The following ARL4C variants were observed in gnomAD, a reference collection of about 807,000 sequenced individuals.
ARL4C encodes ADP-ribosylation factor-like protein 4C.
A neutral mutation model predicts 12.8 loss-of-function variants in ARL4C; 5 were observed. The observed-to-expected ratio is 0.39, with a 90% CI of 0.20 to 0.82. ARL4C has a LOEUF of 0.82. ARL4C is among the 40% of genes least tolerant of loss of function. The probability of loss-of-function intolerance (pLI) is 0.39; values close to 1 mark genes in which losing one functional copy is unlikely to be tolerated. For missense variants in ARL4C, 148 were observed against 265.2 expected (o/e 0.56, Z 3.07); for synonymous variants, 119 against 119.4 (o/e 1.00, Z 0.02).
In ARL4C at chr2:234,494,348, G is replaced by A. The variant is rs1464990279; in HGVS notation, c.*1458C>T. 6.6e-6 allele frequency: 1 copy of A among 152,662 alleles called. No homozygotes were observed. The highest frequency in any genetic ancestry group is 2.1e-4 in the South Asian group (1 of 4,832). 9.5% of individuals were successfully genotyped at this position (152,662 alleles called of 1,614,324 possible). A position where few individuals can be genotyped will look rare whatever the true frequency, so the allele number is the denominator to read the frequency against. On this transcript the variant is annotated 3_prime_UTR_variant, in exon 2 of 2. Coordinates refer to ENST00000339728, the MANE Select transcript of ARL4C (RefSeq NM_001282431.2). ...TTTAAAATTACATTATTAAAAATAT[G>A]TATTTATTCTTCTTTCACTTTATCT... is the stretch of plus-strand genomic sequence containing the variant.
At position 234,496,659 on chromosome 2, in the gene ARL4C, A is replaced by C; in HGVS notation, c.-73T>G. 1 of 1,056,948 alleles carries C rather than the reference A, an allele frequency of 9.5e-7. No individual in the cohort carries two copies. Among genetic ancestry groups the C allele is most frequent in the Non-Finnish European group, 1.2e-6 (1 of 852,212 alleles). 65.5% of individuals were successfully genotyped at this position (1,056,948 alleles called of 1,614,324 possible). On this transcript the variant is annotated 5_prime_UTR_variant, in exon 1 of 2. Transcript: ENST00000339728. ...CGCCCCCCGAGCAGTCACGGGCCCGACGCGGCCGGGCGCACCTGGGCCCCG... is the reference window on the plus strand; with the variant it reads ...CGCCCCCCGAGCAGTCACGGGCCCGCCGCGGCCGGGCGCACCTGGGCCCCG...
chr2:234,495,652 A>T lies in ARL4C; in HGVS notation c.*154T>A. 1.0e-6 allele frequency: 1 copy of T among 955,456 alleles called. No individual in the cohort carries two copies. The highest frequency in any genetic ancestry group is 1.6e-6 in the Non-Finnish European group (1 of 621,324). The allele number at this position is 955,456 out of a possible 1,614,324, so 59.2% of individuals were successfully genotyped here. On this transcript the variant is annotated 3_prime_UTR_variant, in exon 2 of 2. Coordinates refer to ENST00000339728, the MANE Select transcript of ARL4C (RefSeq NM_001282431.2). ...AAGAAATCGCTTTTGTCTTTCCGAC[A>T]ACTGAGCCTTCCACCTGGGGCTGGG...
In ARL4C at chr2:234,496,909, C is replaced by T. The variant is rs569664992; in HGVS notation, c.-323G>A. The T allele has an allele frequency of 6.7e-6, 1 of 149,520 alleles. No individual in the cohort carries two copies. Among genetic ancestry groups the T allele is most frequent in the Non-Finnish European group, 1.5e-5 (1 of 67,118 alleles). 9.3% of individuals were successfully genotyped at this position (149,520 alleles called of 1,614,324 possible). A position where few individuals can be genotyped will look rare whatever the true frequency, so the allele number is the denominator to read the frequency against. ...TTCCTCGGGCCGCGCCCCCGCGCTC[C>T]GGCAGCTGCCCGGGCTCTCCGCTCT... is the stretch of plus-strand genomic sequence containing the variant. On this transcript the variant is annotated 5_prime_UTR_variant, in exon 1 of 2. Coordinates refer to ENST00000339728, the MANE Select transcript of ARL4C (RefSeq NM_001282431.2).
chr2:234,496,277 C>A lies in ARL4C; in HGVS notation c.310G>T (p.Ala104Ser). 1 of 1,597,876 alleles carries A rather than the reference C, an allele frequency of 6.3e-7. No individual in the cohort carries two copies. The highest frequency in any genetic ancestry group is 1.1e-5 in the South Asian group (1 of 88,508). The part of the protein sequence containing the change: ...DSVDVDRLEE[A>S]KTELHKVTKF... ...GTCACCTTGTGCAGCTCCGTCTTGG[C>A]CTCCTCCAGCCGGTCCACGTCCACC... Residue 104 changes from alanine to serine, a missense_variant, in exon 1 of 2, where the codon GCC becomes TCC. Ala to Ser is a moderately conservative substitution (Grantham distance 99). Transcript: ENST00000339728.
rs771116591 is a variant in ARL4C, at chr2:234,496,494, G to A, written c.93C>T (p.Tyr31=). Residue 31 remains tyrosine (Y), a synonymous_variant, in exon 1 of 2, where the codon TAC becomes TAT. Coordinates refer to ENST00000339728, the MANE Select transcript of ARL4C (RefSeq NM_001282431.2). The stretch of plus-strand genomic sequence containing the variant: ...TCACGAACTCGTTGAACTTGAGCCG[G>A]TAGAGCACCGTGGTCTTGCCGGCCG... The part of the protein sequence containing the change: ...LDSAGKTTVL[Y]RLKFNEFVNT... 41 of 1,613,672 alleles carry A rather than the reference G, an allele frequency of 2.5e-5. 1 individual carries two copies. In the South Asian group the frequency reaches 4.2e-4, roughly 16 times the overall value.
chr2:234,496,514 C>T lies in ARL4C; in HGVS notation c.73G>A (p.Gly25Ser), dbSNP rs1253150208. The change falls in exon 1 of 2, where the codon GGC becomes AGC. Residue 25 changes from glycine (G) to serine (S), a missense_variant. This residue lies in a region of ARL4C where 51 missense variants were observed against 127.9 expected (regional missense o/e 0.40). Transcript: ENST00000339728. ...AGCCGGTAGAGCACCGTGGTCTTGC[C>T]GGCCGAGTCCAAGCCCAACATGACG... ...HIVMLGLDSA[G>S]KTTVLYRLKF... 6.2e-7 allele frequency: 1 copy of T among 1,612,704 alleles called. No homozygotes were observed. Among genetic ancestry groups the T allele is most frequent in the African/African-American group, 1.3e-5 (1 of 74,796 alleles).
chr2:234,495,849 G>A lies in ARL4C; in HGVS notation c.576-13C>T. The A allele has an allele frequency of 6.3e-7, 1 of 1,599,072 alleles. No homozygotes were observed. Among genetic ancestry groups the A allele is most frequent in the Non-Finnish European group, 8.5e-7 (1 of 1,179,826 alleles). On this transcript the variant is annotated splice_polypyrimidine_tract_variant and intron_variant, in intron 1 of 1. Coordinates refer to ENST00000339728, the MANE Select transcript of ARL4C (RefSeq NM_001282431.2). Reference sequence around the variant, plus strand: ...TAAGTCACCAGTCCTGCATTTGGGTGCAGAGATTCCGTTTTAAAAATTCGA... The same window carrying A: ...TAAGTCACCAGTCCTGCATTTGGGTACAGAGATTCCGTTTTAAAAATTCGA...
At position 234,494,744 on chromosome 2, in the gene ARL4C, CAA is replaced by C. The variant is rs1355672338; in HGVS notation, c.*1060_*1061del. Reference sequence around the variant, plus strand: ...CATAAAGGAATATAAAAGGGCAGAGCAAAGTCTTTTTTCCTAAGGTGAATATT... The same window carrying C: ...CATAAAGGAATATAAAAGGGCAGAGCAGTCTTTTTTCCTAAGGTGAATATT... On this transcript the variant is annotated 3_prime_UTR_variant, in exon 2 of 2. Coordinates refer to ENST00000339728, the MANE Select transcript of ARL4C (RefSeq NM_001282431.2). 1 of 151,824 alleles carries C rather than the reference CAA, an allele frequency of 6.6e-6. No homozygotes were observed. The highest frequency in any genetic ancestry group is 2.4e-5 in the African/African-American group (1 of 41,272). The allele number at this position is 151,824 out of a possible 1,614,324, so 9.4% of individuals were successfully genotyped here.
rs1691772579 is a variant in ARL4C at position 234,495,759 on chromosome 2, G to T, written c.*47C>A. ...AGTAGCTCTGGCGTTCAGACAAAAG[G>T]TCCCCTGAGCTGGGGGTGGGGGGCA... is the stretch of plus-strand genomic sequence containing the variant. On this transcript the variant is annotated 3_prime_UTR_variant, in exon 2 of 2. Transcript: ENST00000339728. The T allele has an allele frequency of 3.8e-6, 6 of 1,596,854 alleles. No homozygotes were observed. The highest frequency in any genetic ancestry group is 5.1e-6 in the Non-Finnish European group (6 of 1,178,442).
At position 234,495,634 on chromosome 2, in the gene ARL4C, C is replaced by T; in HGVS notation, c.*172G>A. 1.3e-6 allele frequency: 1 copy of T among 793,784 alleles called. No individual in the cohort carries two copies. The highest frequency in any genetic ancestry group is 1.7e-5 in the South Asian group (1 of 60,326). 49.2% of individuals were successfully genotyped at this position (793,784 alleles called of 1,614,324 possible). On this transcript the variant is annotated 3_prime_UTR_variant, in exon 2 of 2. Transcript: ENST00000339728. ...TGGCCCTGCAGGAGTGGGAAGAAAT[C>T]GCTTTTGTCTTTCCGACAACTGAGC...
rs895780159 is a variant in ARL4C at position 234,494,093 on chromosome 2, T to C, written c.*1713A>G. ...GTAATGGACAATAGGCAGGGACTCATAATTTGACTAACTCACATGCTCAAG... is the reference window on the plus strand; with the variant it reads ...GTAATGGACAATAGGCAGGGACTCACAATTTGACTAACTCACATGCTCAAG... On this transcript the variant is annotated 3_prime_UTR_variant, in exon 2 of 2. Coordinates refer to ENST00000339728, the MANE Select transcript of ARL4C (RefSeq NM_001282431.2). The C allele has an allele frequency of 1.3e-5, 2 of 152,274 alleles. No individual in the cohort carries two copies. Among genetic ancestry groups the C allele is most frequent in the African/African-American group, 4.8e-5 (2 of 41,332 alleles). 9.4% of individuals were successfully genotyped at this position (152,274 alleles called of 1,614,324 possible). A position where few individuals can be genotyped will look rare whatever the true frequency, so the allele number is the denominator to read the frequency against.
chr2:234,495,038 C>G lies in ARL4C; in HGVS notation c.*768G>C, dbSNP rs892193249. 1 of 152,928 alleles carries G rather than the reference C, an allele frequency of 6.5e-6. No homozygotes were observed. The highest frequency in any genetic ancestry group is 1.5e-5 in the Non-Finnish European group (1 of 68,408). The allele number at this position is 152,928 out of a possible 1,614,324, so 9.5% of individuals were successfully genotyped here. ...AGGTCCCTATATCCACACACACACA[C>G]ACCCCATCCAGCATTTACACCAAAA... is the stretch of plus-strand genomic sequence containing the variant. On this transcript the variant is annotated 3_prime_UTR_variant, in exon 2 of 2. Coordinates refer to ENST00000339728, the MANE Select transcript of ARL4C (RefSeq NM_001282431.2).
Position 234,495,707 on chromosome 2 carries a change from T to A in ARL4C, c.*99A>T. ...CGGACAGCAGGACCGGCTCTTCCAC[T>A]CCCCACCGCGGCCCCCCGACCTGGT... On this transcript the variant is annotated 3_prime_UTR_variant, in exon 2 of 2. Coordinates refer to ENST00000339728, the MANE Select transcript of ARL4C (RefSeq NM_001282431.2). 1.3e-6 allele frequency: 2 copies of A among 1,490,158 alleles called. No homozygotes were observed. The highest frequency in any genetic ancestry group is 2.3e-5 in the South Asian group (2 of 88,634). 92.3% of individuals were successfully genotyped at this position (1,490,158 alleles called of 1,614,324 possible).
In ARL4C at chr2:234,493,432, C is replaced by T. The variant is rs1691732586; in HGVS notation, c.*2374G>A. On this transcript the variant is annotated 3_prime_UTR_variant, in exon 2 of 2. Coordinates refer to ENST00000339728, the MANE Select transcript of ARL4C (RefSeq NM_001282431.2). ...TCTGTTGGGTCAGAGACGAAACGGG[C>T]TATTATTAGGTCAAACATTACAGAA... The T allele has an allele frequency of 2.0e-5, 3 of 152,236 alleles. No individual in the cohort carries two copies. In the South Asian group the frequency reaches 6.2e-4, roughly 31 times the overall value. The allele number at this position is 152,236 out of a possible 1,614,324, so 9.4% of individuals were successfully genotyped here. A position where few individuals can be genotyped will look rare whatever the true frequency, so the allele number is the denominator to read the frequency against.
chr2:234,496,632 G>T lies in ARL4C; in HGVS notation c.-46C>A. ...GCCACTGCGGCTGCGGCGGGAGGGC[G>T]CCGCCCCCCGAGCAGTCACGGGCCC... On this transcript the variant is annotated 5_prime_UTR_variant, in exon 1 of 2. Transcript: ENST00000339728. 1 of 1,384,492 alleles carries T rather than the reference G, an allele frequency of 7.2e-7. No individual in the cohort carries two copies. The highest frequency in any genetic ancestry group is 9.4e-7 in the Non-Finnish European group (1 of 1,063,910). 85.8% of individuals were successfully genotyped at this position (1,384,492 alleles called of 1,614,324 possible).
chr2:234,496,661 G>T lies in ARL4C; in HGVS notation c.-75C>A. On this transcript the variant is annotated 5_prime_UTR_variant, in exon 1 of 2. Transcript: ENST00000339728. ...CCCCCCGAGCAGTCACGGGCCCGAC[G>T]CGGCCGGGCGCACCTGGGCCCCGCC... The T allele has an allele frequency of 9.9e-7, 1 of 1,014,162 alleles. No individual in the cohort carries two copies. Among genetic ancestry groups the T allele is most frequent in the African/African-American group, 1.7e-5 (1 of 58,210 alleles). The allele number at this position is 1,014,162 out of a possible 1,614,324, so 62.8% of individuals were successfully genotyped here. A position where few individuals can be genotyped will look rare whatever the true frequency, so the allele number is the denominator to read the frequency against.
Position 234,495,636 on chromosome 2 carries a change from CT to C in ARL4C, c.*169del. On this transcript the variant is annotated 3_prime_UTR_variant, in exon 2 of 2. Coordinates refer to ENST00000339728, the MANE Select transcript of ARL4C (RefSeq NM_001282431.2). The stretch of plus-strand genomic sequence containing the variant: ...GCCCTGCAGGAGTGGGAAGAAATCG[CT>C]TTTGTCTTTCCGACAACTGAGCCTT... The C allele has an allele frequency of 2.4e-6, 2 of 823,858 alleles. No individual in the cohort carries two copies. Among genetic ancestry groups the C allele is most frequent in the Non-Finnish European group, 3.9e-6 (2 of 517,590 alleles). The allele number at this position is 823,858 out of a possible 1,614,324, so 51.0% of individuals were successfully genotyped here.
At position 234,495,136 on chromosome 2, in the gene ARL4C, C is replaced by T. The variant is rs1691760982; in HGVS notation, c.*670G>A. 1 of 134,900 alleles carries T rather than the reference C, an allele frequency of 7.4e-6. No homozygotes were observed. The highest frequency in any genetic ancestry group is 1.5e-5 in the Non-Finnish European group (1 of 64,716). 8.4% of individuals were successfully genotyped at this position (134,900 alleles called of 1,614,324 possible). On this transcript the variant is annotated 3_prime_UTR_variant, in exon 2 of 2. Coordinates refer to ENST00000339728, the MANE Select transcript of ARL4C (RefSeq NM_001282431.2). The stretch of plus-strand genomic sequence containing the variant: ...TCATTGGCCACCACCTCCAATAGTT[C>T]GTCTTTTTTTTTTTTTATTTTTTTT...
chr2:234,495,698 C>T lies in ARL4C; in HGVS notation c.*108G>A. 7.1e-7 allele frequency: 1 copy of T among 1,412,112 alleles called. No homozygotes were observed. The highest frequency in any genetic ancestry group is 9.9e-7 in the Non-Finnish European group (1 of 1,012,544). 87.5% of individuals were successfully genotyped at this position (1,412,112 alleles called of 1,614,324 possible). Reference sequence around the variant, plus strand: ...CTGGGAGGGCGGACAGCAGGACCGGCTCTTCCACTCCCCACCGCGGCCCCC... The same window carrying T: ...CTGGGAGGGCGGACAGCAGGACCGGTTCTTCCACTCCCCACCGCGGCCCCC... On this transcript the variant is annotated 3_prime_UTR_variant, in exon 2 of 2. Transcript: ENST00000339728.
Sources: gnomAD v4.1 joint callset for allele counts on GRCh38, gnomAD v4.1.1 for gene constraint, gnomAD v4.1.1 regional missense constraint, MANE v1.5 for transcripts, NCBI Gene and HGNC (gene_info 2026-07-23, HGNC 2026-07-21) for gene names.